Variants in CACNA2D4 observed in about 807,000 individuals in gnomAD.
CACNA2D4 encodes the protein voltage-dependent calcium channel subunit alpha-2/delta-4.
A neutral mutation model predicts 163.8 loss-of-function variants in CACNA2D4; 157 were observed. The ratio of observed to expected loss-of-function variants is 0.96; its 90% CI spans 0.84 to 1.09. CACNA2D4 has a LOEUF of 1.09. Among genes scored for constraint, CACNA2D4 ranks in the 50% least tolerant of loss-of-function variants. The probability of loss-of-function intolerance (pLI) is 0.00; values close to 1 mark genes in which losing one functional copy is unlikely to be tolerated. For synonymous variants in CACNA2D4, 598 were observed against 586.9 expected, an observed-to-expected ratio of 1.02 and a Z score of -0.27; for missense variants, 1,410 against 1,479.9, an observed-to-expected ratio of 0.95 and a Z score of 0.78.
Position 1,800,424 on chromosome 12 carries a change from G to A in CACNA2D4, c.2883C>T (p.Phe961=). The A allele has an allele frequency of 6.2e-7, 1 of 1,613,920 alleles. No individual in the cohort carries two copies. Among genetic ancestry groups the A allele is most frequent in the South Asian group, 1.1e-5 (1 of 91,082 alleles). Residue 961 remains phenylalanine, a synonymous_variant, in exon 32 of 38, where the codon TTC becomes TTT. Coordinates refer to ENST00000382722, the MANE Select transcript of CACNA2D4 (RefSeq NM_172364.5). ...GCAGCAGCCACCTGGTCGCCGTCAA[G>A]AAGGCAGAAATTGGCTGGGAAGGAG... ...AQPLVSPISA[F]LTATRWLLQE...
rs755274472 is a variant in CACNA2D4, at chr12:1,810,294, G to C, written c.2705C>G (p.Ser902Cys). The C allele has an allele frequency of 1.2e-6, 2 of 1,613,872 alleles. No individual in the cohort carries two copies. The highest frequency in any genetic ancestry group is 3.3e-5 in the Admixed American group (2 of 60,026). Residue 902 changes from serine (S) to cysteine (C), a missense_variant, in exon 29 of 38, where the codon TCC (serine) becomes TGC (cysteine). Coordinates refer to ENST00000382722, the MANE Select transcript of CACNA2D4 (RefSeq NM_172364.5). Reference protein sequence around the residue: ...VIDNNGFILISKRSRETGRFL... With the variant: ...VIDNNGFILICKRSRETGRFL... Reference sequence around the variant, plus strand: ...GTGACTCACCTCTCGGGACCTCTTGGAGATCAGAATGAACCCGTTGTTGTC... The same window carrying C: ...GTGACTCACCTCTCGGGACCTCTTGCAGATCAGAATGAACCCGTTGTTGTC...
At chr12:1,830,303 G>A (rs568383131) in intron 26 of CACNA2D4, among the ~76,000 whole-genome samples, 2 of 152,368 alleles carry the variant, frequency 1.3e-5, no homozygotes, top group Admixed American at 6.5e-5. Context: ...CAAACTGCTG[G>A]CGTCATCATG....
At chr12:1,795,545 C>G in intron 36 of CACNA2D4, 123 bp downstream of exon 36, 2 of 881,176 alleles carry the variant, frequency 2.3e-6, no homozygotes, top group Non-Finnish European at 3.5e-6. Flanking sequence ...GAACAAATAA[C>G]GGAGCCCTGT....
At chr12:1,805,114 CA>C (rs1592655337) in intron 29 of CACNA2D4, among the ~76,000 whole-genome samples, 1 of 152,126 alleles carries the variant, frequency 6.6e-6, no homozygotes, top group Non-Finnish European at 1.5e-5. Context: ...TCATGGGGGA[CA>C]ATTCACAAAT....
Position 1,914,845 on chromosome 12 carries a change from G to T in CACNA2D4, c.309+9C>A, listed in dbSNP as rs1866924935. The T allele has an allele frequency of 2.5e-6, 4 of 1,607,130 alleles. No individual in the cohort carries two copies. The African/African-American group carries it at 5.3e-5, about 21-fold the overall frequency. On this transcript the variant is annotated intron_variant, in intron 2 of 37. Coordinates refer to ENST00000382722, the MANE Select transcript of CACNA2D4 (RefSeq NM_172364.5). ...CACCCGGTGGGCTCTCTGGAAGGGG[G>T]TGACTGACCTTCTGCAGCAAGAGAG...
chr12:1,907,854 T>C (rs1866702741), intron 5 of CACNA2D4, 21 bp downstream of exon 5: 1 of 1,613,598 alleles, frequency 6.2e-7, no homozygotes, highest in Non-Finnish European at 8.5e-7. Flanking sequence ...TGAGTGTGCC[T>C]GAGCTGAGCG....
In CACNA2D4 at chr12:1,853,917, G is replaced by T. The variant is rs761643584; in HGVS notation, c.2246+34C>A. ...TTAGCCAAGGGAATTCTGGGGGCTG[G>T]TTGGGGCCTGGGAACCTGGGAACCT... On this transcript the variant is annotated intron_variant, in intron 23 of 37. Transcript: ENST00000382722. 2.0e-5 allele frequency: 31 copies of T among 1,556,692 alleles called. No homozygotes were observed. In the East Asian group the frequency reaches 6.1e-4, roughly 31 times the overall value.
At chr12:1,811,837 C>G in intron 26 of CACNA2D4, 114 bp from the exon 27 acceptor site, 1 of 1,002,842 alleles carries the variant, frequency 1.0e-6, no homozygotes, top group East Asian at 2.8e-5. Context: ...GAGACCGCAG[C>G]GGATGGGAGG....
At chr12:1,795,901 G>A in intron 35 of CACNA2D4, 121 bp from the exon 36 acceptor site, 1 of 720,900 alleles carries the variant, frequency 1.4e-6, no homozygotes, top group South Asian at 1.5e-5. Context: ...GGAACCATGA[G>A]GCAGGGCGGG....
Position 1,795,702 on chromosome 12 carries a change from G to A in CACNA2D4, c.3192C>T (p.Phe1064=), listed in dbSNP as rs769722812. 28 of 1,612,950 alleles carry A rather than the reference G, an allele frequency of 1.7e-5. No homozygotes were observed. The highest frequency in any genetic ancestry group is 5.3e-5 in the African/African-American group (4 of 74,906). Residue 1064 remains phenylalanine, a synonymous_variant, in exon 36 of 38, where the codon TTC becomes TTT. Transcript: ENST00000382722. ...CTGTCGCCTCCTGCAGCACTGGTGG[G>A]AAGATGCTGCAGTCACAGGTGGGGT... ...VTDPTCDCSI[F]PPVLQEATEV... is the part of the protein sequence containing the mutation.
intron 26 of CACNA2D4, chr12:1,836,769 G>A (rs1864874380): frequency 6.5e-6 from 1 of 152,698 alleles, no homozygotes; most frequent in African/African-American, 2.4e-5. Context: ...TGGTTTCATT[G>A]GGTGGGAAGG....
chr12:1,831,564 G>A (rs1181808029), intron 26 of CACNA2D4: 16 of 1,528,784 alleles, frequency 1.0e-5, no homozygotes, highest in Non-Finnish European at 1.4e-5. Context: ...GAGGGATTGG[G>A]ACGATCACCT....
chr12:1,800,478 A>C, intron 31 of CACNA2D4, 40 bp from the exon 32 acceptor site: 1 of 1,606,900 alleles, frequency 6.2e-7, no homozygotes, highest in South Asian at 1.1e-5. Context: ...ACCTAGGTCC[A>C]AGGGTGAGGG....
At chr12:1,910,055 A>AGTGGG in intron 3 of CACNA2D4, 90 bp from the exon 4 acceptor site, 1 of 1,028,872 alleles carries the variant, frequency 9.7e-7, no homozygotes, top group Non-Finnish European at 1.5e-6. Flanking sequence ...GTGACCCAGC[A>AGTGGG]ATCCCACTCC....
intron 4 of CACNA2D4, 71 bp downstream of exon 4, chr12:1,909,835 T>A (rs1866771140): frequency 1.5e-6 from 2 of 1,373,986 alleles, no homozygotes; most frequent in Admixed American, 3.5e-5. Context: ...CGCCACCCTA[T>A]GCCGCCACCC....
intron 24 of CACNA2D4, among the ~76,000 whole-genome samples, chr12:1,846,232 T>C (rs1865139179): frequency 6.6e-6 from 1 of 152,100 alleles, no homozygotes; most frequent in Admixed American, 6.5e-5. Flanking sequence ...TTCGGCTTTG[T>C]CCCTTAGAGA....
intron 22 of CACNA2D4, among the ~76,000 whole-genome samples, chr12:1,854,352 C>T (rs1416385886): frequency 6.6e-6 from 1 of 152,176 alleles, no homozygotes; most frequent in Non-Finnish European, 1.5e-5. Context: ...AACTCTTCCT[C>T]ATCTGCTTCT....
chr12:1,884,212 G>A (rs536684683), intron 12 of CACNA2D4, 31 bp downstream of exon 12: 3 of 1,600,356 alleles, frequency 1.9e-6, no homozygotes, highest in South Asian at 2.3e-5. Flanking sequence ...TCAGGTGCAG[G>A]TGGGAAGGTA....
chr12:1,849,494 T>C (rs1194482664), intron 23 of CACNA2D4, among the ~76,000 whole-genome samples: 1 of 152,258 alleles, frequency 6.6e-6, no homozygotes, highest in African/African-American at 2.4e-5. Flanking sequence ...TTCCCGTATG[T>C]TCGATTATTT....
Sources: gnomAD v4.1 joint callset for allele counts (sites outside exome capture counted in the v4.1 genomes callset) on GRCh38, gnomAD v4.1.1 for gene constraint, MANE v1.5 for transcripts, NCBI Gene and HGNC (gene_info 2026-07-23, HGNC 2026-07-21) for gene names.